The following CEP112 variants were observed in gnomAD, a reference collection of about 807,000 sequenced individuals.
CEP112 encodes the protein centrosomal protein of 112 kDa.
CEP112 carries 127 observed loss-of-function variants against 153.0 expected under a neutral mutation model. The ratio of observed to expected loss-of-function variants is 0.83; its 90% CI spans 0.72 to 0.96. CEP112 has a LOEUF of 0.96. Ranked by LOEUF, CEP112 falls within the 40% of genes least tolerant of loss-of-function variation. The pLI is 0.00. For missense variants in CEP112, 1,089 were observed against 1,101.2 expected, an observed-to-expected ratio of 0.99 and a Z score of 0.16; for synonymous variants, 358 against 374.4, an observed-to-expected ratio of 0.96 and a Z score of 0.51.
chr17:66,187,524 T>G (rs929568784), intron 1 of CEP112, among the ~76,000 whole-genome samples: 5 of 152,176 alleles, frequency 3.3e-5, no homozygotes, highest in African/African-American at 1.2e-4. Flanking sequence ...TAAGAAACTC[T>G]TCTTTGACTT....
chr17:66,161,325 AT>A (rs1252483040), intron 4 of CEP112, among the ~76,000 whole-genome samples: 1 of 152,174 alleles, frequency 6.6e-6, no homozygotes, highest in Non-Finnish European at 1.5e-5. Flanking sequence ...TAGTAATCTC[AT>A]TACTGGGTAT....
At chr17:65,854,218 A>C (rs912707026) in intron 20 of CEP112, among the ~76,000 whole-genome samples, 1 of 152,232 alleles carries the variant, frequency 6.6e-6, no homozygotes, top group Non-Finnish European at 1.5e-5. Context: ...CAAATGTCAC[A>C]TTATGATGCT....
chr17:65,815,406 C>T (rs1304758359), intron 21 of CEP112, among the ~76,000 whole-genome samples: 1 of 152,120 alleles, frequency 6.6e-6, no homozygotes, highest in Non-Finnish European at 1.5e-5. Context: ...ACCAATACCA[C>T]ATTCTCTTGA....
chr17:65,636,956 G>A (rs1328816065), intron 26 of CEP112, 168 bp downstream of exon 26: 5 of 608,746 alleles, frequency 8.2e-6, no homozygotes, highest in South Asian at 6.2e-5. Flanking sequence ...GCACTGGGAT[G>A]AGAAGGGGGG....
At chr17:65,832,576 C>A (rs918367561) in intron 21 of CEP112, among the ~76,000 whole-genome samples, 2 of 151,894 alleles carry the variant, frequency 1.3e-5, no homozygotes, top group African/African-American at 4.8e-5. Context: ...TATGAACACC[C>A]CTATGCATAC....
chr17:66,136,368 C>T (rs560450760), intron 4 of CEP112, among the ~76,000 whole-genome samples: 4 of 152,024 alleles, frequency 2.6e-5, no homozygotes, highest in Admixed American at 2.0e-4. Flanking sequence ...CCTAAGGGAC[C>T]GGATTCTGCA....
intron 2 of CEP112, among the ~76,000 whole-genome samples, chr17:66,181,489 G>T (rs2072718228): frequency 6.6e-6 from 1 of 151,932 alleles, no homozygotes; most frequent in South Asian, 2.1e-4. Flanking sequence ...GGGACTGCAG[G>T]TGCCCACCAA....
At chr17:65,979,724 A>G (rs2063161713) in intron 17 of CEP112, among the ~76,000 whole-genome samples, 1 of 152,178 alleles carries the variant, frequency 6.6e-6, no homozygotes, top group Non-Finnish European at 1.5e-5. Flanking sequence ...AAGAAAAGCA[A>G]ACTATTATAT....
chr17:65,767,201 T>A (rs1444161687), intron 21 of CEP112, among the ~76,000 whole-genome samples: 1 of 152,060 alleles, frequency 6.6e-6, no homozygotes, highest in Admixed American at 6.6e-5. Flanking sequence ...CTGGCCACAA[T>A]GGTATAAAAT....
chr17:65,677,738 C>A (rs960619594), intron 24 of CEP112, among the ~76,000 whole-genome samples: 1 of 152,004 alleles, frequency 6.6e-6, no homozygotes, highest in Non-Finnish European at 1.5e-5. Flanking sequence ...CAGGGTGAAA[C>A]CAGGTCTCTA....
intron 8 of CEP112, among the ~76,000 whole-genome samples, chr17:66,079,615 C>G (rs1041463484): frequency 2.0e-5 from 3 of 152,184 alleles, no homozygotes; most frequent in Non-Finnish European, 4.4e-5. Context: ...CTATCCCCAT[C>G]AAGCTACCAT....
chr17:65,970,606 T>G (rs1241326115), intron 17 of CEP112, among the ~76,000 whole-genome samples: 1 of 152,018 alleles, frequency 6.6e-6, no homozygotes, highest in African/African-American at 2.4e-5. Context: ...TACCTGTATA[T>G]TGCAGGCATA....
At position 65,735,345 on chromosome 17, in the gene CEP112, A is replaced by T. The variant is rs183583080; in HGVS notation, c.2607+7723T>A. The stretch of plus-strand genomic sequence containing the variant: ...TAGAGTTCAGCTCATACTCATACAG[A>T]CACAGAACTACTTTTCTCTAAGACA... On this transcript the variant is annotated intron_variant, in intron 23 of 26. Coordinates refer to ENST00000535342, the MANE Select transcript of CEP112 (RefSeq NM_001199165.4). Among the ~76,000 whole-genome samples, 1,047 of 152,258 alleles carry T rather than the reference A, an allele frequency of 6.9e-3. 6 individuals are homozygous for T. The highest frequency in any genetic ancestry group is 9.1e-3 in the Non-Finnish European group (622 of 67,994).
intron 1 of CEP112, among the ~76,000 whole-genome samples, chr17:66,189,899 G>A (rs1568600483): frequency 1.3e-5 from 2 of 152,068 alleles, no homozygotes; most frequent in African/African-American, 4.8e-5. Context: ...AAGCATGGTA[G>A]CATGCATCTG....
At chr17:66,029,803 TA>T in intron 13 of CEP112, 65 bp downstream of exon 13, 1 of 1,342,298 alleles carries the variant, frequency 7.4e-7, no homozygotes, top group Non-Finnish European at 1.0e-6. Flanking sequence ...TTTTGGCAGA[TA>T]ACTGATACAG....
chr17:65,980,648 A>G (rs977868309), intron 17 of CEP112, among the ~76,000 whole-genome samples: 6 of 152,260 alleles, frequency 3.9e-5, no homozygotes, highest in East Asian at 3.9e-4. Context: ...CTTTTCTCCA[A>G]TGTCACTTTG....
intron 23 of CEP112, among the ~76,000 whole-genome samples, chr17:65,694,215 C>G (rs891847888): frequency 6.6e-6 from 1 of 152,100 alleles, no homozygotes; most frequent in Non-Finnish European, 1.5e-5. Flanking sequence ...TTGGGTGATG[C>G]CCACACTCAG....
chr17:65,933,936 C>G (rs532780732), intron 18 of CEP112, among the ~76,000 whole-genome samples: 1 of 152,284 alleles, frequency 6.6e-6, no homozygotes, highest in East Asian at 1.9e-4. Flanking sequence ...TGTCTGTAAT[C>G]CCAGCACTTT....
intron 12 of CEP112, among the ~76,000 whole-genome samples, chr17:66,050,629 C>A (rs1381001758): frequency 4.6e-5 from 7 of 151,948 alleles, no homozygotes; most frequent in African/African-American, 1.5e-4. Context: ...TATAAAAAAA[C>A]CCCTTGTACC....
Sources: gnomAD v4.1 joint callset for allele counts (sites outside exome capture counted in the v4.1 genomes callset) on GRCh38, gnomAD v4.1.1 for gene constraint, MANE v1.5 for transcripts, NCBI Gene and HGNC (gene_info 2026-07-23, HGNC 2026-07-21) for gene names.